The following HS3ST5 variants were observed in gnomAD, a reference collection of about 807,000 sequenced individuals.
HS3ST5 encodes the protein heparan sulfate-glucosamine 3-sulfotransferase 5, also known as heparan sulfate glucosamine 3-O-sulfotransferase 5.
Under a neutral mutation model 25.4 loss-of-function variants are expected in HS3ST5, and 10 were observed. That is an observed-to-expected ratio of 0.39 (90% CI 0.24 to 0.67). HS3ST5 has a LOEUF of 0.67. Among genes scored for constraint, HS3ST5 ranks in the 30% least tolerant of loss-of-function variants. HS3ST5 has a pLI of 0.44. For missense variants in HS3ST5, 324 were observed against 420.7 expected (o/e 0.77, Z 2.01); for synonymous variants, 170 against 162.4 (o/e 1.05, Z -0.36).
chr6:114,329,515 C>A (rs1328330761), intron 1 of HS3ST5, among the ~76,000 whole-genome samples: 3 of 152,106 alleles, frequency 2.0e-5, no homozygotes, highest in South Asian at 2.1e-4. Context: ...AGACCTTTGC[C>A]CTCACCTCCC....
chr6:114,250,641 C>T (rs890423018), intron 1 of HS3ST5, among the ~76,000 whole-genome samples: 1 of 151,622 alleles, frequency 6.6e-6, no homozygotes, highest in Non-Finnish European at 1.5e-5. Flanking sequence ...ATGACCATAA[C>T]AAATATACTG....
At chr6:114,145,134 A>G (rs950595809) in intron 3 of HS3ST5, among the ~76,000 whole-genome samples, 2 of 152,124 alleles carry the variant, frequency 1.3e-5, no homozygotes, top group African/African-American at 4.8e-5. Context: ...CTGTATACCA[A>G]CTAGGTTCTG....
At chr6:114,234,358 T>C (rs1357319456) in intron 1 of HS3ST5, among the ~76,000 whole-genome samples, 1 of 150,680 alleles carries the variant, frequency 6.6e-6, no homozygotes, top group African/African-American at 2.4e-5. Context: ...AGAGCCCTCT[T>C]GCATGAAATG....
intron 2 of HS3ST5, among the ~76,000 whole-genome samples, chr6:114,180,394 C>T (rs937120711): frequency 6.6e-6 from 1 of 152,068 alleles, no homozygotes; most frequent in South Asian, 2.1e-4. Flanking sequence ...TTTATTTTCT[C>T]ATCATTCTGG....
intron 3 of HS3ST5, among the ~76,000 whole-genome samples, chr6:114,076,300 T>G (rs1774128313): frequency 6.6e-6 from 1 of 152,180 alleles, no homozygotes; most frequent in African/African-American, 2.4e-5. Context: ...AGGGATGAGT[T>G]CAGCAATCCC....
intron 3 of HS3ST5, chr6:114,084,740 G>A: frequency 1.1e-6 from 1 of 870,560 alleles, no homozygotes; most frequent in Admixed American, 1.7e-5. Context: ...GGTTCCAGGC[G>A]TGAAGAGGCC....
intron 2 of HS3ST5, among the ~76,000 whole-genome samples, chr6:114,198,309 T>C (rs931667851): frequency 6.6e-6 from 1 of 152,126 alleles, no homozygotes; most frequent in African/African-American, 2.4e-5. Flanking sequence ...ACCAAATCTA[T>C]GACTCTGGCA....
intron 3 of HS3ST5, among the ~76,000 whole-genome samples, chr6:114,106,608 A>G (rs1776005933): frequency 6.6e-6 from 1 of 152,140 alleles, no homozygotes; most frequent in Admixed American, 6.5e-5. Context: ...ATGACTGTCT[A>G]GAAGTTGGGA....
chr6:114,191,334 C>G, intron 2 of HS3ST5, among the ~76,000 whole-genome samples: 1 of 152,056 alleles, frequency 6.6e-6, no homozygotes, highest in East Asian at 1.9e-4. Flanking sequence ...GCCTTATTGG[C>G]TATTAACACA....
rs72495379 is a variant in HS3ST5 at position 114,070,058 on chromosome 6, A to G, written c.-32-7181T>C. Reference sequence around the variant, plus strand: ...TGCACTTGGTACGCAAGCAGTGTACACTGTACCCAATATGCAGTCTTTTAT... The same window carrying G: ...TGCACTTGGTACGCAAGCAGTGTACGCTGTACCCAATATGCAGTCTTTTAT... On this transcript the variant is annotated intron_variant, in intron 3 of 4. Coordinates refer to ENST00000312719, the MANE Select transcript of HS3ST5 (RefSeq NM_153612.4). 2.6e-5 allele frequency among the ~76,000 whole-genome samples: 4 copies of G among 152,238 alleles called. No homozygotes were observed. In the East Asian group the frequency reaches 7.7e-4, roughly 29 times the overall value.
intron 2 of HS3ST5, among the ~76,000 whole-genome samples, chr6:114,183,048 G>A (rs1243321310): frequency 6.6e-6 from 1 of 152,086 alleles, no homozygotes; most frequent in Admixed American, 6.6e-5. Flanking sequence ...TAGTTCTCAG[G>A]CCTTTGGACT....
intron 3 of HS3ST5, among the ~76,000 whole-genome samples, chr6:114,108,271 C>T (rs1311562716): frequency 4.6e-5 from 7 of 152,068 alleles, no homozygotes; most frequent in African/African-American, 1.7e-4. Flanking sequence ...GCAGAGCACC[C>T]GAGAAAAAGT....
chr6:114,077,782 GT>G (rs1774224832), intron 3 of HS3ST5, among the ~76,000 whole-genome samples: 1 of 152,066 alleles, frequency 6.6e-6, no homozygotes, highest in Non-Finnish European at 1.5e-5. Flanking sequence ...CTCAAGTTTT[GT>G]TTTTGTTTTT....
At chr6:114,244,913 A>T (rs1185802122) in intron 1 of HS3ST5, among the ~76,000 whole-genome samples, 3 of 152,208 alleles carry the variant, frequency 2.0e-5, no homozygotes, top group African/African-American at 7.2e-5. Flanking sequence ...AGGAGACAGC[A>T]GATGTATACC....
intron 1 of HS3ST5, among the ~76,000 whole-genome samples, chr6:114,229,125 T>C (rs1030131375): frequency 7.9e-5 from 12 of 152,180 alleles, no homozygotes; most frequent in African/African-American, 2.9e-4. Flanking sequence ...TTTCTTTACA[T>C]GAGGCTCTAT....
At chr6:114,076,605 G>T (rs370502758) in intron 3 of HS3ST5, among the ~76,000 whole-genome samples, 8 of 152,160 alleles carry the variant, frequency 5.3e-5, no homozygotes, top group African/African-American at 1.7e-4. Context: ...CTTTCAATTT[G>T]CTCTGTTGTC....
chr6:114,327,155 A>G lies in HS3ST5; in HGVS notation c.-339+15040T>C, dbSNP rs181639073. On this transcript the variant is annotated intron_variant, in intron 1 of 4. Coordinates refer to ENST00000312719, the MANE Select transcript of HS3ST5 (RefSeq NM_153612.4). Reference sequence around the variant, plus strand: ...TGCAAACAATGATGACACATTCTTTACCTTAAATACATTTATTTAGTGCCC... The same window carrying G: ...TGCAAACAATGATGACACATTCTTTGCCTTAAATACATTTATTTAGTGCCC... 4.3e-3 allele frequency among the ~76,000 whole-genome samples: 651 copies of G among 152,300 alleles called. 7 individuals carry two copies. Among genetic ancestry groups the G allele is most frequent in the African/African-American group, 0.015 (620 of 41,560 alleles).
chr6:114,106,733 G>C (rs1217314059), intron 3 of HS3ST5, among the ~76,000 whole-genome samples: 1 of 152,000 alleles, frequency 6.6e-6, no homozygotes, highest in South Asian at 2.1e-4. Flanking sequence ...GAAATGCAAG[G>C]TACAATGTAT....
intron 1 of HS3ST5, among the ~76,000 whole-genome samples, chr6:114,244,186 A>C (rs1772275655): frequency 6.6e-6 from 1 of 152,224 alleles, no homozygotes; most frequent in African/African-American, 2.4e-5. Context: ...TGGAAACTGT[A>C]GGTAGAAAAC....
Sources: allele counts gnomAD v4.1 joint callset (sites outside exome capture counted in the v4.1 genomes callset), GRCh38; gene constraint gnomAD v4.1.1; transcripts MANE v1.5; gene names NCBI Gene and HGNC (gene_info 2026-07-23, HGNC 2026-07-21).